Variants in PDE1C observed in about 807,000 individuals in gnomAD.
The protein encoded by PDE1C is phosphodiesterase 1C.
A neutral mutation model predicts 93.1 loss-of-function variants in PDE1C; 62 were observed. That is an observed-to-expected ratio of 0.67 (90% CI 0.54 to 0.82). The LOEUF is 0.82. PDE1C is among the 40% of genes least tolerant of loss of function. The pLI, the probability that PDE1C is intolerant of heterozygous loss-of-function variation, is 0.00. For missense variants in PDE1C, 742 were observed against 884.6 expected (o/e 0.84, Z 2.04); for synonymous variants, 325 against 310.1 (o/e 1.05, Z -0.50).
intron 2 of PDE1C, among the ~76,000 whole-genome samples, chr7:32,177,732 G>T (rs1442658319): frequency 6.6e-6 from 1 of 152,148 alleles, no homozygotes; most frequent in East Asian, 1.9e-4. Flanking sequence ...TCTGCCCAGT[G>T]ACCAGCCCCA....
chr7:31,953,107 G>A (rs915223056), intron 2 of PDE1C, among the ~76,000 whole-genome samples: 8 of 152,168 alleles, frequency 5.3e-5, no homozygotes, highest in Admixed American at 5.2e-4. Flanking sequence ...TATGGCCAGA[G>A]AGCTGGCATT....
chr7:31,826,884 G>A (rs190605571), intron 12 of PDE1C, among the ~76,000 whole-genome samples: 48 of 152,278 alleles, frequency 3.2e-4, no homozygotes, highest in African/African-American at 9.9e-4. Flanking sequence ...CCATATCATC[G>A]CTATCAAAAC....
chr7:32,364,374 T>C (rs565233633), intron 1 of PDE1C, among the ~76,000 whole-genome samples: 6 of 150,974 alleles, frequency 4.0e-5, no homozygotes, highest in African/African-American at 1.5e-4. Context: ...GGAGGGAGAG[T>C]GCTAGAGTGT....
chr7:32,133,433 T>A (rs1800031523), intron 3 of PDE1C, among the ~76,000 whole-genome samples: 1 of 152,144 alleles, frequency 6.6e-6, no homozygotes, highest in African/African-American at 2.4e-5. Flanking sequence ...GGGAAGAAGA[T>A]AGTGAAGACA....
chr7:32,340,710 T>A lies in PDE1C; in HGVS notation c.310+87112A>T, dbSNP rs114790751. ...TGAAAAGACATTGAAGAAACTTAAATGCATATTACTAAGTGAAAAAAGCCA... is the reference window on the plus strand; with the variant it reads ...TGAAAAGACATTGAAGAAACTTAAAAGCATATTACTAAGTGAAAAAAGCCA... On this transcript the variant is annotated intron_variant, in intron 1 of 1. Coordinates refer to the PDE1C transcript ENST00000672256. Among the ~76,000 whole-genome samples, 506 of 152,282 alleles carry A rather than the reference T, an allele frequency of 3.3e-3. 5 individuals carry two copies. The highest frequency in any genetic ancestry group is 0.012 in the African/African-American group (483 of 41,556).
At chr7:32,317,894 C>A (rs941400328) in intron 1 of PDE1C, among the ~76,000 whole-genome samples, 1 of 152,118 alleles carries the variant, frequency 6.6e-6, no homozygotes, top group Non-Finnish European at 1.5e-5. Flanking sequence ...TCCTTGTCAC[C>A]ATGTTTTTGC....
At chr7:31,681,777 A>G in the PDE1C span, among the ~76,000 whole-genome samples, 1 of 152,174 alleles carries the variant, frequency 6.6e-6, no homozygotes, top group African/African-American at 2.4e-5. Context: ...TTGGATGCCA[A>G]AAATTGGCTG....
intron 9 of PDE1C, among the ~76,000 whole-genome samples, chr7:31,841,419 A>C (rs189951669): frequency 3.7e-4 from 56 of 152,208 alleles, no homozygotes; most frequent in Middle Eastern, 3.4e-3. Context: ...TGATGAATGT[A>C]AGATCAAGCA....
chr7:31,905,564 T>G (rs1008170943), intron 2 of PDE1C, among the ~76,000 whole-genome samples: 1 of 152,200 alleles, frequency 6.6e-6, no homozygotes, highest in East Asian at 1.9e-4. Context: ...GCACAAATTT[T>G]TATCTTCTTT....
At chr7:31,885,341 T>C (rs1797741194) in intron 2 of PDE1C, among the ~76,000 whole-genome samples, 1 of 152,198 alleles carries the variant, frequency 6.6e-6, no homozygotes, top group African/African-American at 2.4e-5. Context: ...AGTATAGAAG[T>C]GCAACACCAT....
intron 2 of PDE1C, among the ~76,000 whole-genome samples, chr7:31,917,261 C>T (rs1294169606): frequency 6.6e-6 from 1 of 152,170 alleles, no homozygotes; most frequent in Non-Finnish European, 1.5e-5. Flanking sequence ...ATGATGTGCT[C>T]TAAATTCCCA....
intron 2 of PDE1C, among the ~76,000 whole-genome samples, chr7:32,021,132 G>C (rs558526349): frequency 6.6e-6 from 1 of 152,092 alleles, no homozygotes; most frequent in Non-Finnish European, 1.5e-5. Flanking sequence ...TGCCCCTCCT[G>C]ATAGTGGTTC....
intron 1 of PDE1C, among the ~76,000 whole-genome samples, chr7:32,274,209 A>ATT (rs1263722575): frequency 1.8e-4 from 26 of 144,160 alleles, no homozygotes; most frequent in African/African-American, 4.3e-4. Context: ...TAGTTTTTTA[A>ATT]TTTTTTTTTT....
intron 3 of PDE1C, among the ~76,000 whole-genome samples, chr7:32,136,216 T>C (rs1263502644): frequency 6.6e-6 from 1 of 152,208 alleles, no homozygotes; most frequent in Non-Finnish European, 1.5e-5. Context: ...GAGAAGGATG[T>C]GCTCATTAAT....
chr7:32,361,736 C>T (rs1451694339), intron 1 of PDE1C, among the ~76,000 whole-genome samples: 2 of 152,180 alleles, frequency 1.3e-5, no homozygotes, highest in East Asian at 1.9e-4. Context: ...GCACTTTGTA[C>T]ATCTCTTTCT....
chr7:31,735,398 CAAAAAAAAAAA>C, the PDE1C span, among the ~76,000 whole-genome samples: 2 of 142,904 alleles, frequency 1.4e-5, no homozygotes, highest in Non-Finnish European at 3.0e-5. Flanking sequence ...AACTCTGTCT[CAAAAAAAAAAA>C]AAAAAAAAAA....
chr7:32,234,611 T>G (rs1807940843), intron 1 of PDE1C, among the ~76,000 whole-genome samples: 1 of 152,046 alleles, frequency 6.6e-6, no homozygotes, highest in African/African-American at 2.4e-5. Flanking sequence ...TTAAAGTAGT[T>G]GAATTTGTAG....
intron 3 of PDE1C, among the ~76,000 whole-genome samples, chr7:32,088,046 TTA>T (rs916935913): frequency 9.9e-5 from 15 of 152,110 alleles, no homozygotes; most frequent in Admixed American, 5.9e-4. Flanking sequence ...GAAAATGTGT[TTA>T]TGTCAAAATA....
chr7:32,081,774 T>C lies in PDE1C; in HGVS notation c.308+88011A>G, dbSNP rs368769908. ...GAAATCTAACTTGGTTAAGGATTTATTGATAGAGGGCTGGTCATTGACTGC... is the reference window on the plus strand; with the variant it reads ...GAAATCTAACTTGGTTAAGGATTTACTGATAGAGGGCTGGTCATTGACTGC... On this transcript the variant is annotated intron_variant, in intron 3 of 18. Transcript: ENST00000396193. Among the ~76,000 whole-genome samples, 12 of 152,148 alleles carry C rather than the reference T, an allele frequency of 7.9e-5. No individual in the cohort carries two copies. The East Asian group carries it at 1.9e-3, about 24-fold the overall frequency.
Sources: gnomAD v4.1 joint callset for allele counts (sites outside exome capture counted in the v4.1 genomes callset) on GRCh38, gnomAD v4.1.1 for gene constraint, MANE v1.5 for transcripts, NCBI Gene and HGNC (gene_info 2026-07-23, HGNC 2026-07-21) for gene names.